Variants in CRELD1 observed in about 807,000 individuals in gnomAD.
CRELD1 encodes the protein protein disulfide isomerase CRELD1.
CRELD1 carries 42 observed loss-of-function variants against 58.2 expected under a neutral mutation model. The observed-to-expected ratio is 0.72, with a 90% CI of 0.56 to 0.93. The LOEUF is 0.93. CRELD1 is among the 40% of genes least tolerant of loss of function. The pLI, the probability that CRELD1 is intolerant of heterozygous loss-of-function variation, is 0.00. For missense variants in CRELD1, 500 were observed against 540.6 expected, an observed-to-expected ratio of 0.92 and a Z score of 0.74; for synonymous variants, 222 against 202.0, an observed-to-expected ratio of 1.10 and a Z score of -0.84.
At chr3:9,943,048 T>A in intron 8 of CRELD1, 29 bp from the exon 9 acceptor site, 1 of 1,606,614 alleles carries the variant, frequency 6.2e-7, no homozygotes, top group East Asian at 2.2e-5. Context: ...GGTGCACATC[T>A]CACCCTCATC....
At chr3:9,944,216 G>A (rs2085456508) in intron 10 of CRELD1, 149 bp from the exon 11 acceptor site, 2 of 810,514 alleles carry the variant, frequency 2.5e-6, no homozygotes, top group Admixed American at 1.7e-5. Context: ...CCCTTGCAGG[G>A]TGGTTTTGAG....
At chr3:9,943,619 T>A (rs1333052919) in intron 10 of CRELD1, 104 bp downstream of exon 10, 5 of 1,594,118 alleles carry the variant, frequency 3.1e-6, no homozygotes, top group Middle Eastern at 2.1e-4. Context: ...CCATCCCTAC[T>A]GCCACCCAGC....
At chr3:9,942,204 G>C (rs1467000361) in intron 7 of CRELD1, among the ~76,000 whole-genome samples, 7 of 151,716 alleles carry the variant, frequency 4.6e-5, no homozygotes, top group Admixed American at 4.6e-4. Context: ...CCAGGAGGCA[G>C]AGGTTGCAGT....
rs1433021520 is a variant in CRELD1, at chr3:9,943,064, C to G, written c.818-13C>G. On this transcript the variant is annotated splice_polypyrimidine_tract_variant and intron_variant, in intron 8 of 10. Transcript: ENST00000452070. ...GTGCACATCTCACCCTCATCTTTCT[C>G]TCCTCTCTCCAGACTGTGCCAAGGC... 4 of 1,612,652 alleles carry G rather than the reference C, an allele frequency of 2.5e-6. No homozygotes were observed. Among genetic ancestry groups the G allele is most frequent in the South Asian group, 1.1e-5 (1 of 91,040 alleles).
At position 9,943,467 on chromosome 3, in the gene CRELD1, G is replaced by A. The variant is rs147685991; in HGVS notation, c.1000G>A (p.Glu334Lys). ...GGGCGGTTATCGCTGCATCTGTGCC[G>A]AGGGCTACAAGCAGATGGAAGGCAT... ...TEGGYRCICA[E>K]GYKQMEGICV... Residue 334 changes from glutamate to lysine, a missense_variant, in exon 10 of 11, where the codon GAG becomes AAG. Transcript: ENST00000452070. 9.9e-6 allele frequency: 16 copies of A among 1,614,066 alleles called. No homozygotes were observed. Among genetic ancestry groups the A allele is most frequent in the East Asian group, 2.2e-5 (1 of 44,846 alleles).
chr3:9,942,771 T>G (rs1297783184), intron 7 of CRELD1, 42 bp from the exon 8 acceptor site: 5 of 1,522,676 alleles, frequency 3.3e-6, no homozygotes, highest in Non-Finnish European at 4.6e-6. Context: ...GCTTCCCTAC[T>G]AAATAGGGAT....
intron 9 of CRELD1, 39 bp downstream of exon 9, chr3:9,943,211 G>C (rs2085418285): frequency 1.3e-6 from 2 of 1,595,750 alleles, no homozygotes; most frequent in Non-Finnish European, 8.6e-7. Flanking sequence ...ACCTGGGAGT[G>C]CCTCACCCAG....
At position 9,945,014 on chromosome 3, in the gene CRELD1, A is replaced by G. The variant is rs140699003; in HGVS notation, c.*435A>G. 2,201 of 247,498 alleles carry G rather than the reference A, an allele frequency of 8.9e-3. 17 individuals carry two copies. The highest frequency in any genetic ancestry group is 0.013 in the Non-Finnish European group (1,582 of 123,738). The allele number at this position is 247,498 out of a possible 1,614,324, so 15.3% of individuals were successfully genotyped here. ...TTTATTCATCTCAGGAAATAAAGAA[A>G]GGTCTTGGAAAGTTAAAAGGCATCA... On this transcript the variant is annotated 3_prime_UTR_variant, in exon 11 of 11. Coordinates refer to ENST00000452070, the MANE Select transcript of CRELD1 (RefSeq NM_001077415.3).
Position 9,945,204 on chromosome 3 carries a change from T to C in CRELD1, c.*625T>C, listed in dbSNP as rs2085486655. The C allele has an allele frequency of 1.2e-5, 2 of 162,064 alleles. No individual in the cohort carries two copies. Among genetic ancestry groups the C allele is most frequent in the African/African-American group, 4.8e-5 (2 of 41,526 alleles). 10.0% of individuals were successfully genotyped at this position (162,064 alleles called of 1,614,324 possible). A position where few individuals can be genotyped will look rare whatever the true frequency, so the allele number is the denominator to read the frequency against. ...AGGAATCAGCCTTAGGAGGGTTCCATGCCAGCTGTCATTTGGCAAAGGACC... is the reference window on the plus strand; with the variant it reads ...AGGAATCAGCCTTAGGAGGGTTCCACGCCAGCTGTCATTTGGCAAAGGACC... On this transcript the variant is annotated 3_prime_UTR_variant, in exon 11 of 11. Transcript: ENST00000452070.
chr3:9,934,370 C>A, intron 1 of CRELD1, 50 bp from the exon 2 acceptor site: 1 of 1,410,274 alleles, frequency 7.1e-7, no homozygotes, highest in Non-Finnish European at 1.0e-6. Flanking sequence ...TTCTTTCTCG[C>A]GTGGGGCCTG....
rs867622895 is a variant in CRELD1, at chr3:9,944,374, GCTT to G, written c.1064_1066del (p.Phe355del). The G allele has an allele frequency of 2.5e-6, 4 of 1,613,792 alleles. No homozygotes were observed. The highest frequency in any genetic ancestry group is 2.2e-5 in the East Asian group (1 of 44,898). ...TCTTGCTCCTCTGCAGAGTCAGCAG[GCTT>G]CTTCTCAGAGATGACAGAAGACGAG... On this transcript the variant is annotated inframe_deletion, in exon 11 of 11. Transcript: ENST00000452070.
chr3:9,937,995 C>G lies in CRELD1; in HGVS notation c.369-20C>G. 3.8e-6 allele frequency: 6 copies of G among 1,588,246 alleles called. No individual in the cohort carries two copies. The highest frequency in any genetic ancestry group is 5.2e-6 in the Non-Finnish European group (6 of 1,157,414). Reference sequence around the variant, plus strand: ...CTCAGCACCTCCTCCCCACCTCCCTCCACCCTGCCCCTGCCTCAGGCAGCA... The same window carrying G: ...CTCAGCACCTCCTCCCCACCTCCCTGCACCCTGCCCCTGCCTCAGGCAGCA... On this transcript the variant is annotated intron_variant, in intron 4 of 10. Transcript: ENST00000452070.
intron 3 of CRELD1, among the ~76,000 whole-genome samples, chr3:9,937,199 C>A (rs921490124): frequency 1.3e-5 from 2 of 152,188 alleles, no homozygotes; most frequent in Admixed American, 1.3e-4. Context: ...TTCTCCACAT[C>A]CCTGCCAACA....
rs181680786 is a variant in CRELD1 at position 9,943,737 on chromosome 3, A to G, written c.1048+222A>G. ...AGGGAATCAGACCTGGCATCAAATC[A>G]GTCTGCCTCCTTAACCTGTTTCCTC... On this transcript the variant is annotated intron_variant, in intron 10 of 10. Transcript: ENST00000452070. The G allele has an allele frequency of 3.0e-6, 3 of 985,392 alleles. No individual in the cohort carries two copies. In the Admixed American group the frequency reaches 1.8e-4, roughly 60 times the overall value. 61.0% of individuals were successfully genotyped at this position (985,392 alleles called of 1,614,324 possible).
chr3:9,943,238 G>A, intron 9 of CRELD1, 66 bp downstream of exon 9: 1 of 1,591,224 alleles, frequency 6.3e-7, no homozygotes, highest in South Asian at 1.1e-5. Context: ...TGGTGAAGAG[G>A]CTGGAATATG....
At position 9,933,932 on chromosome 3, in the gene CRELD1, T is replaced by C. The variant is rs2085074605; in HGVS notation, c.-20+12T>C. ...CGTGGCCTACGAGGGTCTGGATCCT[T>C]CTCTGCCGGCTCGTGGGCCGTGCCT... On this transcript the variant is annotated intron_variant, in intron 1 of 10. Coordinates refer to ENST00000452070, the MANE Select transcript of CRELD1 (RefSeq NM_001077415.3). 2.7e-6 allele frequency: 1 copy of C among 371,886 alleles called. No homozygotes were observed. The allele number at this position is 371,886 out of a possible 1,614,324, so 23.0% of individuals were successfully genotyped here. A position where few individuals can be genotyped will look rare whatever the true frequency, so the allele number is the denominator to read the frequency against.
rs200763695 is a variant in CRELD1, at chr3:9,934,400, T to G, written c.-19-20T>G. ...GGCCTGACTCCTTCAGTGAAGCCTCTCCACGCCCTCTATCTGCAGGTCCCC... is the reference window on the plus strand; with the variant it reads ...GGCCTGACTCCTTCAGTGAAGCCTCGCCACGCCCTCTATCTGCAGGTCCCC... On this transcript the variant is annotated intron_variant, in intron 1 of 10. Coordinates refer to ENST00000452070, the MANE Select transcript of CRELD1 (RefSeq NM_001077415.3). The G allele has an allele frequency of 2.2e-3, 3,487 of 1,590,344 alleles. 6 individuals carry two copies. The highest frequency in any genetic ancestry group is 2.8e-3 in the Non-Finnish European group (3,199 of 1,158,642).
Position 9,940,744 on chromosome 3 carries a change from G to A in CRELD1, c.461-106G>A, listed in dbSNP as rs1157217814. The A allele has an allele frequency of 2.0e-4, 139 of 689,804 alleles. No homozygotes were observed. In the African/African-American group the frequency reaches 3.5e-3, roughly 18 times the overall value. 42.7% of individuals were successfully genotyped at this position (689,804 alleles called of 1,614,324 possible). On this transcript the variant is annotated intron_variant, in intron 5 of 10. Transcript: ENST00000452070. ...GGAAAGGGGGAGGGGGAGGGGAGGGGGGGAGGGAGGGAAGGCAAGGGAGAG... is the reference window on the plus strand; with the variant it reads ...GGAAAGGGGGAGGGGGAGGGGAGGGAGGGAGGGAGGGAAGGCAAGGGAGAG...
In CRELD1 at chr3:9,934,454, C is replaced by T; in HGVS notation, c.16C>T (p.Pro6Ser). The T allele has an allele frequency of 1.2e-6, 2 of 1,613,938 alleles. No individual in the cohort carries two copies. Among genetic ancestry groups the T allele is most frequent in the Non-Finnish European group, 1.7e-6 (2 of 1,179,938 alleles). Reference sequence around the variant, plus strand: ...CTGGGTAAAGATGGCCCCATGGCCCCCGAAGGGCCTAGTCCCAGCTATGCT... The same window carrying T: ...CTGGGTAAAGATGGCCCCATGGCCCTCGAAGGGCCTAGTCCCAGCTATGCT... MAPWP[P>S]KGLVPAMLWG... The change falls in exon 2 of 11, where the codon CCG becomes TCG. Residue 6 changes from proline to serine, a missense_variant. Pro to Ser is a moderately conservative substitution (Grantham distance 74). Transcript: ENST00000452070.
Sources: gnomAD v4.1 joint callset for allele counts (sites outside exome capture counted in the v4.1 genomes callset) on GRCh38, gnomAD v4.1.1 for gene constraint, MANE v1.5 for transcripts, NCBI Gene and HGNC (gene_info 2026-07-23, HGNC 2026-07-21) for gene names.